The following BMP8A variants were observed in gnomAD, a reference collection of about 807,000 sequenced individuals.
BMP8A encodes the protein BMP-8A.
Under a neutral mutation model 36.8 loss-of-function variants are expected in BMP8A, and 14 were observed. That is an observed-to-expected ratio of 0.38 (90% CI 0.25 to 0.60). The LOEUF is 0.60. Ranked by LOEUF, BMP8A falls within the 20% of genes least tolerant of loss-of-function variation. The pLI, the probability that BMP8A is intolerant of heterozygous loss-of-function variation, is 0.63. For synonymous variants in BMP8A, 120 were observed against 237.7 expected (o/e 0.50, Z 4.55); for missense variants, 267 against 551.1 (o/e 0.48, Z 5.16).
Position 39,492,451 on chromosome 1 carries a change from G to A in BMP8A, c.334+126G>A, listed in dbSNP as rs1645169369. 62 of 1,345,440 alleles carry A rather than the reference G, an allele frequency of 4.6e-5. 2 individuals are homozygous for A. The South Asian group carries it at 1.0e-3, about 23-fold the overall frequency. 83.3% of individuals were successfully genotyped at this position (1,345,440 alleles called of 1,614,324 possible). A position where few individuals can be genotyped will look rare whatever the true frequency, so the allele number is the denominator to read the frequency against. On this transcript the variant is annotated intron_variant, in intron 1 of 6. Transcript: ENST00000331593. Reference sequence around the variant, plus strand: ...ACAGACGGTGGACGCGAACCACAGGGGAGTGGGACCGCCGTGGTTAGGGAA... The same window carrying A: ...ACAGACGGTGGACGCGAACCACAGGAGAGTGGGACCGCCGTGGTTAGGGAA...
intron 6 of BMP8A, among the ~76,000 whole-genome samples, chr1:39,523,379 C>T (rs1570315676): frequency 6.6e-6 from 1 of 152,370 alleles, no homozygotes; most frequent in South Asian, 2.1e-4. Context: ...ATGCACTGAA[C>T]AAACTCCTGT....
chr1:39,492,103 G>T lies in BMP8A; in HGVS notation c.112G>T (p.Ala38Ser). Residue 38 changes from alanine to serine, a missense_variant, in exon 1 of 7, where the codon GCG becomes TCG. By Grantham distance (99) the Ala-to-Ser change is moderately conservative. Transcript: ENST00000331593. ...PPGCPQRRLGARERRDVQREI... is the reference protein window; with the variant it reads ...PPGCPQRRLGSRERRDVQREI... ...CGGCTGTCCCCAGCGACGTCTGGGC[G>T]CGCGCGAGCGCCGGGACGTGCAGCG... 8.5e-7 allele frequency: 1 copy of T among 1,174,654 alleles called. No homozygotes were observed. The highest frequency in any genetic ancestry group is 3.7e-5 in the South Asian group (1 of 27,018). 72.8% of individuals were successfully genotyped at this position (1,174,654 alleles called of 1,614,324 possible).
chr1:39,517,668 T>TA (rs1645403644), intron 3 of BMP8A, among the ~76,000 whole-genome samples: 1 of 152,064 alleles, frequency 6.6e-6, no homozygotes, highest in African/African-American at 2.4e-5. Flanking sequence ...CCTTTGTTGT[T>TA]AAATTTTGTT....
rs1182785571 is a variant in BMP8A, at chr1:39,526,861, G to A, written c.*1063G>A. Among the ~76,000 whole-genome samples, 2 of 152,182 alleles carry A rather than the reference G, an allele frequency of 1.3e-5. No homozygotes were observed. Among genetic ancestry groups the A allele is most frequent in the Admixed American group, 6.5e-5 (1 of 15,282 alleles). ...CTGGCACAGAGCAAATGCCCCCGCA[G>A]CCTGCTCCCCTTGCCCATGGCTCAT... is the stretch of plus-strand genomic sequence containing the variant. On this transcript the variant is annotated 3_prime_UTR_variant, in exon 7 of 7. Coordinates refer to ENST00000331593, the MANE Select transcript of BMP8A (RefSeq NM_181809.4).
Position 39,492,157 on chromosome 1 carries a change from G to C in BMP8A, c.166G>C (p.Gly56Arg). 7.8e-7 allele frequency: 1 copy of C among 1,280,996 alleles called. No homozygotes were observed. Among genetic ancestry groups the C allele is most frequent in the Non-Finnish European group, 9.8e-7 (1 of 1,020,904 alleles). 79.4% of individuals were successfully genotyped at this position (1,280,996 alleles called of 1,614,324 possible). Residue 56 changes from glycine (G) to arginine (R), a missense_variant, in exon 1 of 7, where the codon GGG (glycine) becomes CGG (arginine). Physicochemically the swap from Gly to Arg is moderately radical, Grantham distance 125. Transcript: ENST00000331593. ...REILAVLGLP[G>R]RPRPRAPPAA... ...GATCCTGGCGGTGCTCGGGCTACCC[G>C]GGCGGCCCCGGCCCCGCGCGCCACC...
In BMP8A at chr1:39,524,255, G is replaced by A. The variant is rs550944490; in HGVS notation, c.1059+1138G>A. Among the ~76,000 whole-genome samples, 1 of 152,224 alleles carries A rather than the reference G, an allele frequency of 6.6e-6. No individual in the cohort carries two copies. The highest frequency in any genetic ancestry group is 2.1e-4 in the South Asian group (1 of 4,812). ...GAAGGTGACTGCACCTGCAGCTCCT[G>A]GACTCCATCTCCTCTGCCCTTGCCC... On this transcript the variant is annotated intron_variant, in intron 6 of 6. Transcript: ENST00000331593. This position sits in a 1 kb window ranked among gnomAD's most constrained non-coding sequence, Gnocchi z 4.0.
intron 6 of BMP8A, chr1:39,523,697 C>T: frequency 7.1e-7 from 1 of 1,399,614 alleles, no homozygotes; most frequent in Non-Finnish European, 9.4e-7. Context: ...TCTGGGGCAA[C>T]CTTAAAGGAC....
rs34518993 is a variant in BMP8A, at chr1:39,528,699, C to CTT, written c.*2917_*2918dup. On this transcript the variant is annotated 3_prime_UTR_variant, in exon 7 of 7. Coordinates refer to ENST00000331593, the MANE Select transcript of BMP8A (RefSeq NM_181809.4). ...CGACCTGGCATCAGGTCCTGGCTGC[C>CTT]TTTTTTTTTTTTTTTTTAAAGACAT... Among the ~76,000 whole-genome samples the CTT allele has an allele frequency of 0.015, 2,047 of 139,128 alleles. 39 individuals carry two copies. The highest frequency in any genetic ancestry group is 0.047 in the African/African-American group (1,745 of 37,436). The allele number at this position is 139,128 out of a possible 152,430, so 91.3% of individuals were successfully genotyped here. A position where few individuals can be genotyped will look rare whatever the true frequency, so the allele number is the denominator to read the frequency against.
At chr1:39,499,677 C>T (rs553401692) in intron 1 of BMP8A, among the ~76,000 whole-genome samples, 4 of 152,270 alleles carry the variant, frequency 2.6e-5, no homozygotes, top group South Asian at 2.1e-4. Flanking sequence ...TTGCCTTATC[C>T]GAGGCTGGAG....
At position 39,526,237 on chromosome 1, in the gene BMP8A, G is replaced by A. The variant is rs979164391; in HGVS notation, c.*439G>A. Among the ~76,000 whole-genome samples the A allele has an allele frequency of 1.3e-5, 2 of 152,176 alleles. No homozygotes were observed. Among genetic ancestry groups the A allele is most frequent in the African/African-American group, 4.8e-5 (2 of 41,434 alleles). On this transcript the variant is annotated 3_prime_UTR_variant, in exon 7 of 7. Transcript: ENST00000331593. ...TCTGGGCAAAATTGGACACGCTTAT[G>A]TTCTCAGCACAGTGTGTTCTGGGAT...
At chr1:39,523,173 G>C (rs1410892700) in intron 6 of BMP8A, 56 bp downstream of exon 6, 62 of 1,590,644 alleles carry the variant, frequency 3.9e-5, no homozygotes, top group Non-Finnish European at 3.4e-5. Context: ...CTGCAGAGAG[G>C]GGTCTGGTCC....
chr1:39,525,791 G>A lies in BMP8A; in HGVS notation c.1202G>A (p.Cys401Tyr), dbSNP rs1169303145. ...AACATGGTGGTCAAGGCCTGCGGCTGCCACTGAGTCAGCCCGCCCAGCCCT... is the reference window on the plus strand; with the variant it reads ...AACATGGTGGTCAAGGCCTGCGGCTACCACTGAGTCAGCCCGCCCAGCCCT... ...HRNMVVKACG[C>Y]H Residue 401 changes from cysteine (C) to tyrosine (Y), a missense_variant, in exon 7 of 7, where the codon TGC (cysteine) becomes TAC (tyrosine). By Grantham distance (194) the Cys-to-Tyr change is radical. This residue lies in a region of BMP8A where 132 missense variants were observed against 151.3 expected (regional missense o/e 0.87). Coordinates refer to ENST00000331593, the MANE Select transcript of BMP8A (RefSeq NM_181809.4). 1.9e-6 allele frequency: 3 copies of A among 1,614,076 alleles called. No homozygotes were observed. The highest frequency in any genetic ancestry group is 1.1e-5 in the South Asian group (1 of 91,080).
At chr1:39,502,225 G>A (rs1645259559) in intron 1 of BMP8A, among the ~76,000 whole-genome samples, 1 of 120,462 alleles carries the variant, frequency 8.3e-6, no homozygotes, top group Non-Finnish European at 1.7e-5. Context: ...CCGACAGAGT[G>A]AGACTGTCTC....
At chr1:39,504,721 C>G (rs1298109820) in intron 1 of BMP8A, among the ~76,000 whole-genome samples, 3 of 152,220 alleles carry the variant, frequency 2.0e-5, no homozygotes, top group Non-Finnish European at 2.9e-5. Context: ...CCAGGCAGCA[C>G]TCAGCATACG....
At chr1:39,515,951 C>T (rs1645392771) in intron 3 of BMP8A, 1 of 1,468,970 alleles carries the variant, frequency 6.8e-7, no homozygotes, top group Non-Finnish European at 9.2e-7. Flanking sequence ...TGTCCATCTT[C>T]ACAGTGAGAA....
At position 39,523,105 on chromosome 1, in the gene BMP8A, C is replaced by A. The variant is rs745731053; in HGVS notation, c.1047C>A (p.Ile349=). Residue 349 remains isoleucine, a synonymous_variant, in exon 6 of 7, where the codon ATC becomes ATA. Coordinates refer to ENST00000331593, the MANE Select transcript of BMP8A (RefSeq NM_181809.4). ...DSCMNATNHA[I]LQSLVHLMKP... ...GCATGAACGCCACCAACCACGCCAT[C>A]CTGCAGTCCCTGGTCAGTACCGTGC... 6.2e-7 allele frequency: 1 copy of A among 1,613,952 alleles called. No homozygotes were observed. Among genetic ancestry groups the A allele is most frequent in the East Asian group, 2.2e-5 (1 of 44,868 alleles).
chr1:39,523,597 T>C lies in BMP8A; in HGVS notation c.1059+480T>C, dbSNP rs543280978. 205 of 1,424,014 alleles carry C rather than the reference T, an allele frequency of 1.4e-4. 1 individual carries two copies. The African/African-American group carries it at 2.6e-3, about 18-fold the overall frequency. The allele number at this position is 1,424,014 out of a possible 1,614,324, so 88.2% of individuals were successfully genotyped here. On this transcript the variant is annotated intron_variant, in intron 6 of 6. Coordinates refer to ENST00000331593, the MANE Select transcript of BMP8A (RefSeq NM_181809.4). ...CCACAGGCAGGAAGCTTCTAGATGG[T>C]GTGGCTCTCAACCTTTTGGCTTTTT... is the stretch of plus-strand genomic sequence containing the variant.
At chr1:39,501,967 C>T (rs1645256953) in intron 1 of BMP8A, among the ~76,000 whole-genome samples, 1 of 150,944 alleles carries the variant, frequency 6.6e-6, no homozygotes, top group Admixed American at 6.6e-5. Flanking sequence ...GGGCCGGGCG[C>T]AATGGCTCAC....
intron 6 of BMP8A, 143 bp from the exon 7 acceptor site, chr1:39,525,506 T>C: frequency 8.4e-7 from 1 of 1,190,382 alleles, no homozygotes; most frequent in Non-Finnish European, 1.1e-6. Flanking sequence ...CTTATTCCTG[T>C]TAATAATTCT....
Sources: gnomAD v4.1 joint callset for allele counts (sites outside exome capture counted in the v4.1 genomes callset) on GRCh38, gnomAD v4.1.1 for gene constraint, gnomAD v4.1.1 regional missense constraint, Gnocchi (gnomAD v3.1) non-coding constraint, MANE v1.5 for transcripts, NCBI Gene and HGNC (gene_info 2026-07-23, HGNC 2026-07-21) for gene names.